Variants in PTPRT observed in about 807,000 individuals in gnomAD.
PTPRT encodes the protein protein tyrosine phosphatase receptor type T.
Under a neutral mutation model 176.8 loss-of-function variants are expected in PTPRT, and 56 were observed. The ratio of observed to expected loss-of-function variants is 0.32; its 90% confidence interval spans 0.26 to 0.40. The LOEUF is 0.40. Among genes scored for constraint, PTPRT ranks in the 10% least tolerant of loss-of-function variants. PTPRT has a pLI of 1.00. For synonymous variants in PTPRT, 783 were observed against 739.0 expected (o/e 1.06, Z -0.96); for missense variants, 1,540 against 1,908.2 (o/e 0.81, Z 3.60).
the PTPRT span, among the ~76,000 whole-genome samples, chr20:42,065,276 T>A: frequency 6.9e-6 from 1 of 144,806 alleles, no homozygotes; most frequent in Non-Finnish European, 1.5e-5. Flanking sequence ...GTAACAATGA[T>A]CTCTTAGCTA....
chr20:42,733,794 A>C (rs1354443570), intron 6 of PTPRT, among the ~76,000 whole-genome samples: 1 of 152,208 alleles, frequency 6.6e-6, no homozygotes, highest in African/African-American at 2.4e-5. Flanking sequence ...TGGTTTGCAC[A>C]TTGGTCCTCT....
At chr20:43,085,105 G>C (rs546949670) in intron 1 of PTPRT, among the ~76,000 whole-genome samples, 2 of 152,066 alleles carry the variant, frequency 1.3e-5, no homozygotes, top group East Asian at 3.9e-4. Flanking sequence ...AGATTGACTC[G>C]CAGGGTAACT....
chr20:43,114,318 C>T (rs1232584872), intron 1 of PTPRT, among the ~76,000 whole-genome samples: 2 of 152,184 alleles, frequency 1.3e-5, no homozygotes, highest in East Asian at 3.9e-4. Flanking sequence ...CTGAAGCCAA[C>T]TGCCTGCGTA....
chr20:42,481,456 A>G (rs906789745), intron 7 of PTPRT, among the ~76,000 whole-genome samples: 2 of 152,138 alleles, frequency 1.3e-5, no homozygotes, highest in East Asian at 3.9e-4. Context: ...CATTTCACCA[A>G]TTAGAATTTA....
chr20:42,529,013 C>T (rs1054086413), intron 7 of PTPRT, among the ~76,000 whole-genome samples: 1 of 152,132 alleles, frequency 6.6e-6, no homozygotes, highest in African/African-American at 2.4e-5. Context: ...CTTTTTGAAC[C>T]ATTGTATGCT....
chr20:42,073,903 A>G lies in PTPRT; in HGVS notation c.*6976T>C. ...CAATGCTTCTCTTCCCTTTAAAGAGACACCTGCCTTCTTTTAGACAGCTGC... is the reference window on the plus strand; with the variant it reads ...CAATGCTTCTCTTCCCTTTAAAGAGGCACCTGCCTTCTTTTAGACAGCTGC... On this transcript the variant is annotated 3_prime_UTR_variant, in exon 31 of 31. Coordinates refer to ENST00000373187, the MANE Select transcript of PTPRT (RefSeq NM_007050.6). 1 of 229,810 alleles carries G rather than the reference A, an allele frequency of 4.4e-6. No homozygotes were observed. Among genetic ancestry groups the G allele is most frequent in the African/African-American group, 2.2e-5 (1 of 45,268 alleles). The allele number at this position is 229,810 out of a possible 1,614,324, so 14.2% of individuals were successfully genotyped here. A position where few individuals can be genotyped will look rare whatever the true frequency, so the allele number is the denominator to read the frequency against.
chr20:42,743,585 G>A (rs998653903), intron 6 of PTPRT, among the ~76,000 whole-genome samples: 3 of 152,176 alleles, frequency 2.0e-5, no homozygotes, highest in African/African-American at 4.8e-5. Context: ...TTGACAAATA[G>A]TCAAGTCAAG....
chr20:43,154,039 C>T (rs2014445241), intron 1 of PTPRT, among the ~76,000 whole-genome samples: 1 of 152,202 alleles, frequency 6.6e-6, no homozygotes, highest in African/African-American at 2.4e-5. Context: ...GGGAAGGAAA[C>T]ACCCAAGTAG....
At chr20:42,210,328 T>G (rs2055590203) in intron 15 of PTPRT, among the ~76,000 whole-genome samples, 1 of 151,888 alleles carries the variant, frequency 6.6e-6, no homozygotes, top group Non-Finnish European at 1.5e-5. Flanking sequence ...AAATAAAGGG[T>G]ATTCAATTAG....
chr20:42,261,576 C>A (rs1188755660), intron 13 of PTPRT, among the ~76,000 whole-genome samples: 1 of 151,980 alleles, frequency 6.6e-6, no homozygotes. Flanking sequence ...AATGCAAACT[C>A]TAAAAGGGTT....
intron 1 of PTPRT, among the ~76,000 whole-genome samples, chr20:43,091,514 CT>C (rs1271089711): frequency 2.7e-5 from 4 of 147,400 alleles, no homozygotes; most frequent in African/African-American, 1.0e-4. Flanking sequence ...TCTCTCCCCC[CT>C]CTCTTTCTCT....
chr20:43,016,552 CTTTTTTT>C (rs11482189), intron 1 of PTPRT, among the ~76,000 whole-genome samples: 2 of 76,218 alleles, frequency 2.6e-5, no homozygotes, highest in African/African-American at 1.4e-4. Flanking sequence ...TCTAAGGCCA[CTTTTTTT>C]TTTTTTTTTT....
intron 13 of PTPRT, among the ~76,000 whole-genome samples, chr20:42,276,539 A>T (rs1356581536): frequency 3.8e-5 from 2 of 51,960 alleles, no homozygotes; most frequent in African/African-American, 8.6e-5. Flanking sequence ...ATATATATAT[A>T]TATATATATA....
At chr20:42,678,715 T>A (rs535843641) in intron 6 of PTPRT, among the ~76,000 whole-genome samples, 1 of 152,342 alleles carries the variant, frequency 6.6e-6, no homozygotes, top group East Asian at 1.9e-4. Flanking sequence ...CTCCTTCATT[T>A]AAAGAAATGA....
intron 2 of PTPRT, among the ~76,000 whole-genome samples, chr20:42,873,332 C>T (rs2078876133): frequency 6.6e-6 from 1 of 152,174 alleles, no homozygotes; most frequent in Non-Finnish European, 1.5e-5. Flanking sequence ...CACATGTTAC[C>T]TACACTGCAT....
intron 7 of PTPRT, among the ~76,000 whole-genome samples, chr20:42,620,045 T>C (rs1358965626): frequency 6.7e-6 from 1 of 149,242 alleles, no homozygotes; most frequent in Non-Finnish European, 1.5e-5. Flanking sequence ...AGTTTTTCTG[T>C]TCTGTTTTTT....
chr20:43,100,988 G>A (rs183840720), intron 1 of PTPRT, among the ~76,000 whole-genome samples: 35 of 152,224 alleles, frequency 2.3e-4, no homozygotes, highest in African/African-American at 8.2e-4. Context: ...CCAATTATCC[G>A]AATAATTTTT....
intron 6 of PTPRT, among the ~76,000 whole-genome samples, chr20:42,723,889 G>A (rs753907275): frequency 6.6e-6 from 1 of 152,188 alleles, no homozygotes; most frequent in Non-Finnish European, 1.5e-5. Flanking sequence ...CAACTGGACT[G>A]GAGTGGGATT....
At chr20:42,287,640 T>A (rs1433300067) in intron 12 of PTPRT, among the ~76,000 whole-genome samples, 1 of 151,878 alleles carries the variant, frequency 6.6e-6, no homozygotes, top group Admixed American at 6.6e-5. Flanking sequence ...ATAGAAGGAA[T>A]AAGTTCTAGT....
Sources: gnomAD v4.1 joint callset for allele counts (sites outside exome capture counted in the v4.1 genomes callset) on GRCh38, gnomAD v4.1.1 for gene constraint, MANE v1.5 for transcripts, NCBI Gene and HGNC (gene_info 2026-07-23, HGNC 2026-07-21) for gene names.